The following RAPGEF4 variants were observed in gnomAD, a reference collection of about 807,000 sequenced individuals.
RAPGEF4 encodes the protein Rap guanine nucleotide exchange factor 4, also known as RAP guanine-nucleotide-exchange factor (GEF) 4.
RAPGEF4 carries 66 observed loss-of-function variants against 147.9 expected under a neutral mutation model. That is an observed-to-expected ratio of 0.45 (90% CI 0.37 to 0.55). The LOEUF (loss-of-function observed/expected upper bound fraction) is 0.55, where lower values mean the gene tolerates loss of function less well. RAPGEF4 is among the 20% of genes least tolerant of loss of function. The pLI is 0.00. For missense variants in RAPGEF4, 1,071 were observed against 1,257.3 expected (o/e 0.85, Z 2.24); for synonymous variants, 419 against 442.7 (o/e 0.95, Z 0.67).
chr2:172,824,798 G>A (rs1033905189), intron 4 of RAPGEF4, among the ~76,000 whole-genome samples: 2 of 152,192 alleles, frequency 1.3e-5, no homozygotes, highest in African/African-American at 4.8e-5. Context: ...GAGTAAAGAA[G>A]ACAGGTAATA....
chr2:172,911,843 T>G (rs1354544840), intron 4 of RAPGEF4, among the ~76,000 whole-genome samples: 2 of 149,940 alleles, frequency 1.3e-5, no homozygotes, highest in East Asian at 3.9e-4. Context: ...CACAGCTCAT[T>G]GTAGCCTGGA....
chr2:172,754,040 T>C (rs1695543683), intron 1 of RAPGEF4, among the ~76,000 whole-genome samples: 1 of 152,240 alleles, frequency 6.6e-6, no homozygotes, highest in African/African-American at 2.4e-5. Flanking sequence ...ATTTAAACTA[T>C]GTTGTAATTG....
Position 172,923,610 on chromosome 2 carries a change from A to G in RAPGEF4, c.537+1310A>G, listed in dbSNP as rs116886672. Among the ~76,000 whole-genome samples, 30 of 152,204 alleles carry G rather than the reference A, an allele frequency of 2.0e-4. No individual in the cohort carries two copies. In the East Asian group the frequency reaches 5.6e-3, roughly 28 times the overall value. The stretch of plus-strand genomic sequence containing the variant: ...CTAGCAGTGTCACTTCAAATGTTAC[A>G]CCAAAATTTACTTCGCTTGGTCTGG... On this transcript the variant is annotated intron_variant, in intron 6 of 30. Transcript: ENST00000397081.
At chr2:173,038,343 G>A (rs1684310572) in intron 29 of RAPGEF4, among the ~76,000 whole-genome samples, 1 of 152,204 alleles carries the variant, frequency 6.6e-6, no homozygotes, top group Admixed American at 6.5e-5. Flanking sequence ...GATTACTTAT[G>A]CAGAAATGCA....
intron 6 of RAPGEF4, among the ~76,000 whole-genome samples, chr2:172,959,085 T>C (rs1279882108): frequency 1.3e-5 from 2 of 152,192 alleles, no homozygotes; most frequent in African/African-American, 4.8e-5. Flanking sequence ...AGCGTAATAA[T>C]CTCTACATCA....
At chr2:172,767,722 G>A (rs1213811737) in intron 1 of RAPGEF4, among the ~76,000 whole-genome samples, 1 of 152,108 alleles carries the variant, frequency 6.6e-6, no homozygotes, top group Admixed American at 6.5e-5. Flanking sequence ...GCCTACCTTT[G>A]TGTGTACCTC....
chr2:172,937,133 A>G (rs1041835228), intron 6 of RAPGEF4, among the ~76,000 whole-genome samples: 10 of 150,010 alleles, frequency 6.7e-5, no homozygotes. Flanking sequence ...AGGTAGGAGG[A>G]TCACTCGAGC....
intron 1 of RAPGEF4, among the ~76,000 whole-genome samples, chr2:172,776,690 CTTT>C (rs909049575): frequency 1.3e-5 from 2 of 151,648 alleles, no homozygotes; most frequent in African/African-American, 4.8e-5. Context: ...TTCAGTTATC[CTTT>C]TTTTTCTGCA....
chr2:172,921,811 A>G (rs1684793164), intron 5 of RAPGEF4, among the ~76,000 whole-genome samples: 1 of 152,232 alleles, frequency 6.6e-6, no homozygotes, highest in Non-Finnish European at 1.5e-5. Context: ...TTTGCTCACA[A>G]TGGAAGTTGT....
At chr2:172,925,842 G>A (rs1471861048) in intron 6 of RAPGEF4, among the ~76,000 whole-genome samples, 1 of 145,932 alleles carries the variant, frequency 6.9e-6, no homozygotes, top group Non-Finnish European at 1.5e-5. Context: ...AAGAAGGAAG[G>A]AAGGAAGGGA....
At chr2:172,977,718 T>TG (rs766831343) in intron 10 of RAPGEF4, among the ~76,000 whole-genome samples, 1 of 152,210 alleles carries the variant, frequency 6.6e-6, no homozygotes, top group Non-Finnish European at 1.5e-5. Flanking sequence ...TTGAGGCCCC[T>TG]GAGGGACAGT....
chr2:172,794,347 CAAAAAAAAAAA>C (rs59850502), intron 1 of RAPGEF4, among the ~76,000 whole-genome samples: 1 of 101,942 alleles, frequency 9.8e-6, no homozygotes, highest in African/African-American at 3.8e-5. Flanking sequence ...AACTCCATCT[CAAAAAAAAAAA>C]AAAAAAAGAA....
chr2:172,740,040 C>T (rs1694170771), intron 1 of RAPGEF4, among the ~76,000 whole-genome samples: 1 of 152,164 alleles, frequency 6.6e-6, no homozygotes, highest in African/African-American at 2.4e-5. Flanking sequence ...TGGAACATAG[C>T]CATGCTCATT....
intron 4 of RAPGEF4, among the ~76,000 whole-genome samples, chr2:172,911,118 G>C (rs1700052187): frequency 6.6e-6 from 1 of 152,162 alleles, no homozygotes; most frequent in African/African-American, 2.4e-5. Context: ...TTCCTGTTAT[G>C]GCGTCAACTC....
chr2:172,971,625 G>C lies in RAPGEF4; in HGVS notation c.1004+4181G>C, dbSNP rs1379616700. ...TTGAAACTTTTTAAACATTGGAATT[G>C]GGCTGGCAGTTTCTTCTTTTGACTC... On this transcript the variant is annotated intron_variant, in intron 10 of 30. Transcript: ENST00000397081. 4.6e-5 allele frequency among the ~76,000 whole-genome samples: 7 copies of C among 152,094 alleles called. 1 individual carries two copies.
Position 172,781,685 on chromosome 2 carries a change from C to A in RAPGEF4, c.66-13340C>A, listed in dbSNP as rs1863170. 2.0e-5 allele frequency among the ~76,000 whole-genome samples: 3 copies of A among 152,090 alleles called. No homozygotes were observed. The South Asian group carries it at 6.2e-4, about 32-fold the overall frequency. On this transcript the variant is annotated intron_variant, in intron 1 of 30. Transcript: ENST00000397081. ...CCGCTTGGATACCAAAATCTGCAGA[C>A]GCTCGAGACCCTGATATAAAATGGT... is the stretch of plus-strand genomic sequence containing the variant.
Position 173,052,877 on chromosome 2 carries a change from T to C in RAPGEF4, c.*1110T>C, listed in dbSNP as rs144612528. 6.6e-6 allele frequency: 1 copy of C among 152,224 alleles called. No homozygotes were observed. The highest frequency in any genetic ancestry group is 1.9e-4 in the East Asian group (1 of 5,208). 9.4% of individuals were successfully genotyped at this position (152,224 alleles called of 1,614,324 possible). ...TAACATCTAGTATCTTCACTAAATA[T>C]AATTGTCGACAAGAAATGGTTGTGT... On this transcript the variant is annotated 3_prime_UTR_variant, in exon 31 of 31. Coordinates refer to ENST00000397081, the MANE Select transcript of RAPGEF4 (RefSeq NM_007023.4).
intron 6 of RAPGEF4, among the ~76,000 whole-genome samples, chr2:172,931,111 G>T (rs1559128045): frequency 7.1e-6 from 1 of 140,440 alleles, no homozygotes; most frequent in African/African-American, 2.7e-5. Flanking sequence ...TTTCCTCACT[G>T]GTATAATGGT....
intron 12 of RAPGEF4, among the ~76,000 whole-genome samples, chr2:172,987,776 T>C (rs888932430): frequency 6.6e-6 from 1 of 152,216 alleles, no homozygotes; most frequent in Non-Finnish European, 1.5e-5. Context: ...TCCCCATGGA[T>C]ACGAAGGGAC....
Sources: gnomAD v4.1 joint callset for allele counts (sites outside exome capture counted in the v4.1 genomes callset) on GRCh38, gnomAD v4.1.1 for gene constraint, MANE v1.5 for transcripts, NCBI Gene and HGNC (gene_info 2026-07-23, HGNC 2026-07-21) for gene names.